The following LRRTM4 variants were observed in gnomAD, a reference collection of about 807,000 sequenced individuals.
LRRTM4 encodes leucine-rich repeat transmembrane neuronal protein 4.
Under a neutral mutation model 47.6 loss-of-function variants are expected in LRRTM4, and 25 were observed. That is an observed-to-expected ratio of 0.53 (90% CI 0.38 to 0.73). The LOEUF (loss-of-function observed/expected upper bound fraction) is 0.73. Ranked by LOEUF, LRRTM4 falls within the 30% of genes least tolerant of loss-of-function variation. The pLI is 0.00. For synonymous variants in LRRTM4, 311 were observed against 269.5 expected (o/e 1.15, Z -1.51); for missense variants, 638 against 713.4 (o/e 0.89, Z 1.20).
At chr2:77,496,411 G>A (rs770029842) in intron 3 of LRRTM4, among the ~76,000 whole-genome samples, 10 of 151,728 alleles carry the variant, frequency 6.6e-5, no homozygotes, top group Non-Finnish European at 1.2e-4. Context: ...CCTGATCTTA[G>A]GGTGAAAACA....
chr2:77,494,121 G>T (rs1436517481), intron 3 of LRRTM4, among the ~76,000 whole-genome samples: 3 of 152,084 alleles, frequency 2.0e-5, no homozygotes, highest in Non-Finnish European at 4.4e-5. Context: ...CAAACTGGGA[G>T]AAATAGAGTA....
intron 3 of LRRTM4, among the ~76,000 whole-genome samples, chr2:76,914,506 A>C (rs562192270): frequency 4.6e-5 from 7 of 152,072 alleles, no homozygotes; most frequent in Non-Finnish European, 8.8e-5. Context: ...TTATGTAATA[A>C]AATAAAATTG....
At chr2:77,397,803 C>T (rs528283684) in intron 3 of LRRTM4, among the ~76,000 whole-genome samples, 6 of 151,886 alleles carry the variant, frequency 4.0e-5, no homozygotes, top group Admixed American at 2.6e-4. Flanking sequence ...TTTGGTTTTC[C>T]ACACCCCTTG....
chr2:76,982,119 T>C (rs6547106), intron 3 of LRRTM4, among the ~76,000 whole-genome samples: 53,457 of 151,918 alleles, frequency 0.35, 10,143 homozygotes, highest in East Asian at 0.64. Context: ...TCCATGGATA[T>C]TGTTATGATC....
chr2:76,755,122 T>G (rs2104064745), intron 3 of LRRTM4, among the ~76,000 whole-genome samples: 1 of 152,292 alleles, frequency 6.6e-6, no homozygotes, highest in African/African-American at 2.4e-5. Context: ...TGGTACCACT[T>G]TCATTAATAC....
intron 3 of LRRTM4, among the ~76,000 whole-genome samples, chr2:77,006,297 G>A (rs989667394): frequency 1.3e-5 from 2 of 151,946 alleles, no homozygotes; most frequent in Admixed American, 6.6e-5. Flanking sequence ...CAATAATTTC[G>A]AACCTAAGCC....
chr2:76,764,780 C>G (rs186646968), intron 3 of LRRTM4, among the ~76,000 whole-genome samples: 1 of 152,260 alleles, frequency 6.6e-6, no homozygotes, highest in African/African-American at 2.4e-5. Flanking sequence ...TATCCAGCTG[C>G]CAATGTAAGT....
chr2:77,226,743 C>A (rs1025246058), intron 3 of LRRTM4, among the ~76,000 whole-genome samples: 3 of 151,888 alleles, frequency 2.0e-5, no homozygotes, highest in African/African-American at 7.3e-5. Flanking sequence ...CTATAAACCT[C>A]TTTTTGACAT....
chr2:77,135,018 G>A (rs1671896080), intron 3 of LRRTM4, among the ~76,000 whole-genome samples: 2 of 152,040 alleles, frequency 1.3e-5, no homozygotes, highest in Admixed American at 1.3e-4. Flanking sequence ...TTATCAGATA[G>A]GAACTACAAA....
chr2:76,793,954 A>G (rs1032312331), intron 3 of LRRTM4, among the ~76,000 whole-genome samples: 2 of 152,166 alleles, frequency 1.3e-5, no homozygotes, highest in Non-Finnish European at 2.9e-5. Flanking sequence ...ACTTCAAAAT[A>G]CTGGTGCAAC....
At chr2:76,819,737 A>G (rs1230836691) in intron 3 of LRRTM4, among the ~76,000 whole-genome samples, 2 of 151,982 alleles carry the variant, frequency 1.3e-5, no homozygotes, top group East Asian at 3.9e-4. Context: ...CATTGAGAAA[A>G]TAGATAATGC....
At chr2:77,213,759 C>A (rs1391393412) in intron 3 of LRRTM4, among the ~76,000 whole-genome samples, 1 of 152,206 alleles carries the variant, frequency 6.6e-6, no homozygotes, top group Non-Finnish European at 1.5e-5. Flanking sequence ...TATGCCAGCT[C>A]CCTTCCTTTC....
chr2:77,139,161 A>C (rs759635291), intron 3 of LRRTM4, among the ~76,000 whole-genome samples: 1 of 151,890 alleles, frequency 6.6e-6, no homozygotes. Flanking sequence ...GCTGACAGAG[A>C]CACAACAAAA....
At chr2:77,014,795 G>C (rs1235566440) in intron 3 of LRRTM4, among the ~76,000 whole-genome samples, 1 of 152,074 alleles carries the variant, frequency 6.6e-6, no homozygotes, top group East Asian at 1.9e-4. Flanking sequence ...ATGGGGGACA[G>C]AGTGAGACTC....
intron 3 of LRRTM4, among the ~76,000 whole-genome samples, chr2:77,145,312 A>G (rs752222471): frequency 1.5e-4 from 23 of 151,790 alleles, no homozygotes; most frequent in Non-Finnish European, 3.2e-4. Flanking sequence ...AATAAATACA[A>G]AAGTTGAAAA....
At chr2:77,176,661 A>T (rs2103846929) in intron 3 of LRRTM4, among the ~76,000 whole-genome samples, 1 of 152,364 alleles carries the variant, frequency 6.6e-6, no homozygotes, top group East Asian at 1.9e-4. Context: ...CAGGATCAAG[A>T]TGATAAAAAA....
rs142884035 is a variant in LRRTM4, at chr2:77,405,555, C to T, written c.1551+112763G>A. The stretch of plus-strand genomic sequence containing the variant: ...TCACTTCCTGCATTTTTTTGCCTCT[C>T]ACACTTTACCTAGCTAACATCTATT... On this transcript the variant is annotated intron_variant, in intron 3 of 3. Transcript: ENST00000409884. Among the ~76,000 whole-genome samples the T allele has an allele frequency of 4.1e-3, 623 of 152,168 alleles. 4 individuals are homozygous for T. The highest frequency in any genetic ancestry group is 0.014 in the African/African-American group (596 of 41,546).
chr2:77,365,388 A>G (rs1672402720), intron 3 of LRRTM4, among the ~76,000 whole-genome samples: 1 of 152,038 alleles, frequency 6.6e-6, no homozygotes, highest in Non-Finnish European at 1.5e-5. Flanking sequence ...ATTACATAAA[A>G]TAACTATGAA....
intron 3 of LRRTM4, among the ~76,000 whole-genome samples, chr2:77,184,426 A>AAACTGAG (rs1213226532): frequency 6.6e-6 from 1 of 152,170 alleles, no homozygotes; most frequent in Non-Finnish European, 1.5e-5. Context: ...AGCTAATTGA[A>AAACTGAG]AACTGAGTAC....
Sources: allele counts gnomAD v4.1 joint callset (sites outside exome capture counted in the v4.1 genomes callset), GRCh38; gene constraint gnomAD v4.1.1; transcripts MANE v1.5; gene names NCBI Gene and HGNC (gene_info 2026-07-23, HGNC 2026-07-21).